The following LCP2 variants were observed in gnomAD, a reference collection of about 807,000 sequenced individuals.
LCP2 encodes 76 kDa tyrosine phosphoprotein.
Under a neutral mutation model 74.5 loss-of-function variants are expected in LCP2, and 29 were observed. That is an observed-to-expected ratio of 0.39 (90% CI 0.29 to 0.53). The LOEUF is 0.53. Ranked by LOEUF, LCP2 falls within the 20% of genes least tolerant of loss-of-function variation. The pLI is 0.72. For missense variants in LCP2, 604 were observed against 634.6 expected (o/e 0.95, Z 0.52); for synonymous variants, 228 against 229.5 (o/e 0.99, Z 0.06).
chr5:170,281,046 A>G (rs1192875790), intron 3 of LCP2, among the ~76,000 whole-genome samples: 1 of 152,140 alleles, frequency 6.6e-6, no homozygotes, highest in African/African-American at 2.4e-5. Context: ...GCTCTGAGGG[A>G]GGCATCTGTC....
In LCP2 at chr5:170,297,677, C is replaced by T; in HGVS notation, c.-66G>A. The T allele has an allele frequency of 1.4e-6, 2 of 1,420,506 alleles. No homozygotes were observed. Among genetic ancestry groups the T allele is most frequent in the Non-Finnish European group, 1.9e-6 (2 of 1,034,760 alleles). 88.0% of individuals were successfully genotyped at this position (1,420,506 alleles called of 1,614,324 possible). Reference sequence around the variant, plus strand: ...CGCTTCACCCATGGGCAGAGAAGCTCAAATCCAGAGCTCGGAGGCGTTCTT... The same window carrying T: ...CGCTTCACCCATGGGCAGAGAAGCTTAAATCCAGAGCTCGGAGGCGTTCTT... On this transcript the variant is annotated 5_prime_UTR_variant, in exon 1 of 21. Coordinates refer to ENST00000046794, the MANE Select transcript of LCP2 (RefSeq NM_005565.5).
chr5:170,295,409 G>T (rs1364890081), intron 1 of LCP2, among the ~76,000 whole-genome samples: 2 of 152,186 alleles, frequency 1.3e-5, no homozygotes, highest in African/African-American at 4.8e-5. Context: ...CACATCATTT[G>T]CTTTAATCCT....
intron 17 of LCP2, among the ~76,000 whole-genome samples, chr5:170,255,963 A>C (rs1269550085): frequency 6.6e-6 from 1 of 152,202 alleles, no homozygotes; most frequent in African/African-American, 2.4e-5. Context: ...TGTGACGTTA[A>C]GTTCTCTTAG....
intron 3 of LCP2, among the ~76,000 whole-genome samples, chr5:170,283,451 A>C (rs1762136259): frequency 6.6e-6 from 1 of 152,140 alleles, no homozygotes; most frequent in Non-Finnish European, 1.5e-5. Flanking sequence ...GTTCTGATTA[A>C]ATCTCTTCCA....
At chr5:170,272,003 A>T (rs1761904034) in intron 6 of LCP2, among the ~76,000 whole-genome samples, 1 of 152,194 alleles carries the variant, frequency 6.6e-6, no homozygotes, top group Non-Finnish European at 1.5e-5. Flanking sequence ...CCAACTCCAA[A>T]AAAAGACTTT....
intron 5 of LCP2, among the ~76,000 whole-genome samples, chr5:170,274,994 A>C (rs1316442472): frequency 6.6e-6 from 1 of 151,846 alleles, no homozygotes. Context: ...AAAAAAAAAA[A>C]ACTCAGATGC....
chr5:170,259,821 C>T lies in LCP2; in HGVS notation c.958-943G>A, dbSNP rs376835143. On this transcript the variant is annotated intron_variant, in intron 14 of 20. Transcript: ENST00000046794. The stretch of plus-strand genomic sequence containing the variant: ...CTGCATAAATAAACACACATGGGCT[C>T]ATAAACCCCACACAACAAAATCACT... 1.8e-3 allele frequency among the ~76,000 whole-genome samples: 275 copies of T among 152,322 alleles called. 3 individuals carry two copies. In the South Asian group the frequency reaches 0.055, roughly 30 times the overall value.
intron 10 of LCP2, 98 bp from the exon 11 acceptor site, chr5:170,263,090 TG>T (rs563483792): frequency 1.7e-5 from 23 of 1,346,972 alleles, no homozygotes; most frequent in Non-Finnish European, 2.3e-5. Flanking sequence ...TGAACCCTCT[TG>T]GGGGTTGATG....
chr5:170,287,417 C>T (rs1481369941), intron 3 of LCP2, among the ~76,000 whole-genome samples: 1 of 152,196 alleles, frequency 6.6e-6, no homozygotes, highest in East Asian at 1.9e-4. Flanking sequence ...AAATACATGG[C>T]ATGACATGCA....
intron 14 of LCP2, 168 bp downstream of exon 14, chr5:170,260,939 A>G: frequency 1.6e-6 from 1 of 615,028 alleles, no homozygotes. Flanking sequence ...CCAGACAATG[A>G]CCAAGGCCCA....
intron 3 of LCP2, among the ~76,000 whole-genome samples, chr5:170,281,159 C>T (rs976410106): frequency 6.6e-6 from 1 of 152,196 alleles, no homozygotes; most frequent in Non-Finnish European, 1.5e-5. Flanking sequence ...GGCACCTTTC[C>T]TGTGGCAGGG....
intron 2 of LCP2, 64 bp from the exon 3 acceptor site, chr5:170,288,080 G>A (rs1243752995): frequency 3.3e-6 from 5 of 1,506,958 alleles, no homozygotes; most frequent in Non-Finnish European, 4.6e-6. Flanking sequence ...AGCAGGAGGG[G>A]AAGAGTGATA....
rs1429796482 is a variant in LCP2, at chr5:170,262,652, C to T, written c.909G>A (p.Lys303=). ...ACAATTACTTTGGCACAGGTGGCTT[C>T]TTCCCTGGCAGGGGGCTGCTCCTTT... ...RHERSSPLPG[K]KPPVPKHGWG... is the part of the protein sequence containing the mutation. Residue 303 remains lysine (K), a synonymous_variant, in exon 13 of 21, where the codon AAG becomes AAA. Coordinates refer to ENST00000046794, the MANE Select transcript of LCP2 (RefSeq NM_005565.5). 6.2e-7 allele frequency: 1 copy of T among 1,613,528 alleles called. No homozygotes were observed. Among genetic ancestry groups the T allele is most frequent in the Non-Finnish European group, 8.5e-7 (1 of 1,179,586 alleles).
chr5:170,297,736 C>A lies in LCP2; in HGVS notation c.-125G>T, dbSNP rs1043091020. The A allele has an allele frequency of 3.6e-5, 25 of 690,248 alleles. No homozygotes were observed. The highest frequency in any genetic ancestry group is 5.2e-5 in the Non-Finnish European group (22 of 423,796). 42.8% of individuals were successfully genotyped at this position (690,248 alleles called of 1,614,324 possible). The stretch of plus-strand genomic sequence containing the variant: ...CAACTCCCAGCTACCCTGTGGAACA[C>A]CCCTGTTGGAGCCGATGTCTTTTCT... On this transcript the variant is annotated 5_prime_UTR_variant, in exon 1 of 21. Coordinates refer to ENST00000046794, the MANE Select transcript of LCP2 (RefSeq NM_005565.5).
In LCP2 at chr5:170,262,873, G is replaced by A; in HGVS notation, c.799-12C>T. ...GCTGGAATCGAGGGCTGCAAGACAGGAGGAAAAATGTATGAGTGTCCAAGC... is the reference window on the plus strand; with the variant it reads ...GCTGGAATCGAGGGCTGCAAGACAGAAGGAAAAATGTATGAGTGTCCAAGC... On this transcript the variant is annotated splice_polypyrimidine_tract_variant and intron_variant, in intron 11 of 20. Transcript: ENST00000046794. 1 of 1,614,028 alleles carries A rather than the reference G, an allele frequency of 6.2e-7. No homozygotes were observed. The highest frequency in any genetic ancestry group is 1.7e-5 in the Admixed American group (1 of 60,022).
intron 6 of LCP2, 54 bp from the exon 7 acceptor site, chr5:170,270,971 A>T: frequency 2.0e-6 from 3 of 1,472,266 alleles, no homozygotes; most frequent in Non-Finnish European, 2.8e-6. Context: ...GTGGCCCTCG[A>T]TGTGCCTGTG....
intron 18 of LCP2, 115 bp from the exon 19 acceptor site, chr5:170,252,626 GA>G: frequency 1.6e-6 from 1 of 607,220 alleles, no homozygotes; most frequent in East Asian, 2.8e-5. Flanking sequence ...CAGGAGGTCT[GA>G]AACATTTGTT....
Position 170,258,066 on chromosome 5 carries a change from G to A in LCP2, c.1071C>T (p.Ser357=), listed in dbSNP as rs1049370704. 1.9e-6 allele frequency: 3 copies of A among 1,613,814 alleles called. No homozygotes were observed. Among genetic ancestry groups the A allele is most frequent in the Admixed American group, 1.7e-5 (1 of 60,016 alleles). The change falls in exon 16 of 21, where the codon TCC becomes TCT. Residue 357 remains serine (S), a synonymous_variant. Coordinates refer to ENST00000046794, the MANE Select transcript of LCP2 (RefSeq NM_005565.5). ...TKPSPMNPLP[S]SHMPGAFSES... The stretch of plus-strand genomic sequence containing the variant: ...CTGAGAATGCTCCAGGCATGTGAGA[G>A]GATGGGAGAGGGTTCATGGGACTTG...
At chr5:170,263,849 A>G (rs1215397112) in intron 10 of LCP2, among the ~76,000 whole-genome samples, 1 of 152,240 alleles carries the variant, frequency 6.6e-6, no homozygotes, top group Non-Finnish European at 1.5e-5. Flanking sequence ...CTAAAACTCT[A>G]TAGGTTTGCC....
Sources: allele counts gnomAD v4.1 joint callset (sites outside exome capture counted in the v4.1 genomes callset), GRCh38; gene constraint gnomAD v4.1.1; transcripts MANE v1.5; gene names NCBI Gene and HGNC (gene_info 2026-07-23, HGNC 2026-07-21).